Variants in KLHL32 observed in about 807,000 individuals in gnomAD.
KLHL32 encodes the protein kelch like family member 32.
In KLHL32, 35 loss-of-function variants were observed where a neutral mutation model predicts 64.8. The observed-to-expected ratio is 0.54, with a 90% CI of 0.41 to 0.72. The LOEUF is 0.72. Ranked by LOEUF, KLHL32 falls within the 30% of genes least tolerant of loss-of-function variation. The pLI is 0.00. For synonymous variants in KLHL32, 259 were observed against 281.0 expected, an observed-to-expected ratio of 0.92 and a Z score of 0.78; for missense variants, 589 against 768.5, an observed-to-expected ratio of 0.77 and a Z score of 2.76.
chr6:97,076,567 G>T (rs1335215467), intron 5 of KLHL32, among the ~76,000 whole-genome samples: 1 of 152,184 alleles, frequency 6.6e-6, no homozygotes, highest in African/African-American at 2.4e-5. Flanking sequence ...GACACCACCA[G>T]TGCCTTGTTC....
intron 3 of KLHL32, among the ~76,000 whole-genome samples, chr6:97,030,450 G>A (rs1783375351): frequency 6.6e-6 from 1 of 152,210 alleles, no homozygotes. Context: ...GGCACTTAAA[G>A]TGGATTATAT....
At chr6:97,064,017 T>A (rs957264351) in intron 4 of KLHL32, among the ~76,000 whole-genome samples, 18 of 152,232 alleles carry the variant, frequency 1.2e-4, no homozygotes, top group African/African-American at 4.1e-4. Flanking sequence ...CTATGTGATG[T>A]CTTTGTATTC....
intron 2 of KLHL32, among the ~76,000 whole-genome samples, chr6:96,970,632 T>C (rs1775007328): frequency 1.3e-5 from 2 of 152,174 alleles, no homozygotes; most frequent in African/African-American, 2.4e-5. Context: ...GCACAACACC[T>C]GGCACAGGCT....
chr6:97,112,783 T>G (rs1393533008), intron 6 of KLHL32, among the ~76,000 whole-genome samples: 1 of 150,780 alleles, frequency 6.6e-6, no homozygotes, highest in Non-Finnish European at 1.5e-5. Context: ...AAAAGGAGAA[T>G]TTCTTAAAAC....
At chr6:96,990,336 T>C (rs893950613) in intron 3 of KLHL32, among the ~76,000 whole-genome samples, 1 of 152,128 alleles carries the variant, frequency 6.6e-6, no homozygotes, top group South Asian at 2.1e-4. Context: ...TCCTTGTTTT[T>C]ATGGGGGTGG....
At chr6:96,928,304 C>T (rs1769413503) in intron 1 of KLHL32, among the ~76,000 whole-genome samples, 1 of 152,132 alleles carries the variant, frequency 6.6e-6, no homozygotes, top group Admixed American at 6.5e-5. Flanking sequence ...CTCCACCAGA[C>T]AGTCTGTTGG....
At position 97,057,170 on chromosome 6, in the gene KLHL32, ATCTTTTTTTTTTTT is replaced by A. The variant is rs1162193747; in HGVS notation, c.313-7456_313-7443del. Among the ~76,000 whole-genome samples, 4 of 97,354 alleles carry A rather than the reference ATCTTTTTTTTTTTT, an allele frequency of 4.1e-5. No homozygotes were observed. The East Asian group carries it at 1.2e-3, about 29-fold the overall frequency. 63.9% of individuals were successfully genotyped at this position (97,354 alleles called of 152,430 possible). A position where few individuals can be genotyped will look rare whatever the true frequency, so the allele number is the denominator to read the frequency against. Reference sequence around the variant, plus strand: ...AAAAATGCAGTTTTCCTATGTGAGTATCTTTTTTTTTTTTTTTTTTTTTTTTTTTTTGAGACGGA... The same window carrying A: ...AAAAATGCAGTTTTCCTATGTGAGTATTTTTTTTTTTTTTTTTGAGACGGA... On this transcript the variant is annotated intron_variant, in intron 4 of 10. Coordinates refer to ENST00000369261, the MANE Select transcript of KLHL32 (RefSeq NM_052904.4).
chr6:97,085,448 TGG>T, intron 6 of KLHL32, 107 bp downstream of exon 6: 1 of 943,730 alleles, frequency 1.1e-6, no homozygotes, highest in Non-Finnish European at 1.6e-6. Context: ...TTGGTCCTCA[TGG>T]AGTTGTTTTA....
chr6:97,039,992 C>T lies in KLHL32; in HGVS notation c.205-1500C>T, dbSNP rs539351293. On this transcript the variant is annotated intron_variant, in intron 3 of 10. Transcript: ENST00000369261. ...CTATATTAAATTATCATATGTACCC[C>T]TGAAATATGTACATTCCTTAGGCAT... Among the ~76,000 whole-genome samples the T allele has an allele frequency of 1.2e-4, 18 of 151,928 alleles. 1 individual carries two copies. Among genetic ancestry groups the T allele is most frequent in the African/African-American group, 4.1e-4 (17 of 41,368 alleles).
intron 1 of KLHL32, among the ~76,000 whole-genome samples, chr6:96,965,408 T>G (rs1357179924): frequency 3.9e-5 from 6 of 152,334 alleles, no homozygotes; most frequent in African/African-American, 1.2e-4. Context: ...TTCATCTATC[T>G]TATTATTTTT....
rs376919736 is a variant in KLHL32 at position 97,138,577 on chromosome 6, AAAAC to A, written c.1702-536_1702-533del. Among the ~76,000 whole-genome samples the A allele has an allele frequency of 1.8e-3, 273 of 152,244 alleles. 1 individual carries two copies. Among genetic ancestry groups the A allele is most frequent in the African/African-American group, 5.9e-3 (244 of 41,552 alleles). On this transcript the variant is annotated intron_variant, in intron 10 of 10. Coordinates refer to ENST00000369261, the MANE Select transcript of KLHL32 (RefSeq NM_052904.4). ...CAACAAAAAAACCCCAAAAACAAAC[AAAAC>A]AAACAAAAAAACTCCAGCATGAACA...
At chr6:96,964,380 G>A (rs964606758) in intron 1 of KLHL32, among the ~76,000 whole-genome samples, 8 of 152,230 alleles carry the variant, frequency 5.3e-5, no homozygotes, top group East Asian at 3.8e-4. Flanking sequence ...ATGGTCGGGC[G>A]CAGTGGCTCA....
intron 7 of KLHL32, among the ~76,000 whole-genome samples, chr6:97,119,313 C>G (rs1798123246): frequency 6.6e-6 from 1 of 152,266 alleles, no homozygotes; most frequent in Non-Finnish European, 1.5e-5. Flanking sequence ...TCCTCAAAAC[C>G]CCCTCTTCTC....
intron 5 of KLHL32, among the ~76,000 whole-genome samples, chr6:97,065,051 C>T (rs112764563): frequency 1.3e-5 from 2 of 151,924 alleles, no homozygotes; most frequent in African/African-American, 2.4e-5. Context: ...AGTCCTAGTC[C>T]GAAGCAATAT....
chr6:97,033,856 A>C (rs559706423), intron 3 of KLHL32, among the ~76,000 whole-genome samples: 3 of 152,208 alleles, frequency 2.0e-5, no homozygotes, highest in Admixed American at 2.0e-4. Flanking sequence ...TCCTGTGACC[A>C]TTTTAAAATT....
At chr6:96,977,774 T>C (rs921944007) in intron 3 of KLHL32, among the ~76,000 whole-genome samples, 1 of 152,184 alleles carries the variant, frequency 6.6e-6, no homozygotes, top group Admixed American at 6.6e-5. Flanking sequence ...CAGCCTTTTT[T>C]AAAAAGCGTA....
chr6:96,901,682 G>T, the KLHL32 span, among the ~76,000 whole-genome samples: 640 of 152,182 alleles, frequency 4.2e-3, 8 homozygotes, highest in African/African-American at 0.014. Flanking sequence ...CCATCACCCA[G>T]GTATTAAGCC....
intron 3 of KLHL32, among the ~76,000 whole-genome samples, chr6:97,025,753 C>T (rs933929113): frequency 2.0e-5 from 3 of 152,176 alleles, no homozygotes; most frequent in Non-Finnish European, 4.4e-5. Context: ...CTCTTACCAG[C>T]TTTATCGCCT....
chr6:96,898,705 C>A, the KLHL32 span, among the ~76,000 whole-genome samples: 27 of 150,930 alleles, frequency 1.8e-4, no homozygotes, highest in South Asian at 2.1e-3. Context: ...AAAAAAAAAA[C>A]AAACAAACAA....
Sources: gnomAD v4.1 joint callset for allele counts (sites outside exome capture counted in the v4.1 genomes callset) on GRCh38, gnomAD v4.1.1 for gene constraint, MANE v1.5 for transcripts, NCBI Gene and HGNC (gene_info 2026-07-23, HGNC 2026-07-21) for gene names.